PACRG: variants seen among roughly 807,000 people sequenced by gnomAD.
PACRG encodes the protein parkin coregulated.
Under a neutral mutation model 29.7 loss-of-function variants are expected in PACRG, and 29 were observed. The observed-to-expected ratio is 0.98, with a 90% CI of 0.73 to 1.33. The LOEUF is 1.33. Ranked by LOEUF, PACRG falls within the 40% of genes most tolerant of loss-of-function variation. The pLI is 0.00. For synonymous variants in PACRG, 116 were observed against 118.7 expected (o/e 0.98, Z 0.15); for missense variants, 279 against 316.2 (o/e 0.88, Z 0.89).
At chr6:162,774,794 C>G (rs1783510850) in intron 1 of PACRG, among the ~76,000 whole-genome samples, 1 of 152,074 alleles carries the variant, frequency 6.6e-6, no homozygotes, top group Admixed American at 6.5e-5. Context: ...ACTGAAGCAC[C>G]CTGCTTTGTT....
chr6:163,207,501 T>G (rs1308143536), intron 4 of PACRG, among the ~76,000 whole-genome samples: 1 of 152,214 alleles, frequency 6.6e-6, no homozygotes, highest in Admixed American at 6.5e-5. Context: ...ACATCAGACA[T>G]TTCCATGATA....
intron 2 of PACRG, among the ~76,000 whole-genome samples, chr6:162,957,024 T>G (rs1440362071): frequency 6.6e-6 from 1 of 151,964 alleles, no homozygotes; most frequent in Non-Finnish European, 1.5e-5. Flanking sequence ...CTTACCTTTT[T>G]GTCAGTAAAG....
intron 4 of PACRG, among the ~76,000 whole-genome samples, chr6:163,104,086 T>A (rs1475467601): frequency 6.6e-6 from 1 of 152,252 alleles, no homozygotes; most frequent in Non-Finnish European, 1.5e-5. Flanking sequence ...ACAACTATTA[T>A]ATGCTGGTAG....
chr6:162,803,370 G>C (rs547592156), intron 1 of PACRG, among the ~76,000 whole-genome samples: 1 of 152,282 alleles, frequency 6.6e-6, no homozygotes, highest in African/African-American at 2.4e-5. Context: ...GAGACTGACA[G>C]TCAGCTTGCA....
At chr6:162,903,653 C>T (rs1034435841) in intron 2 of PACRG, among the ~76,000 whole-genome samples, 3 of 152,180 alleles carry the variant, frequency 2.0e-5, no homozygotes, top group African/African-American at 7.2e-5. Flanking sequence ...GTCCCTCCCT[C>T]AACATGTGGA....
intron 4 of PACRG, among the ~76,000 whole-genome samples, chr6:163,177,709 G>GGTTTTTTTTTT (rs1562951194): frequency 1.8e-4 from 6 of 33,648 alleles, no homozygotes; most frequent in Admixed American, 3.8e-4. Flanking sequence ...TTAGAAAAGG[G>GGTTTTTTTTTT]ATTTTTTTTT....
chr6:162,745,285 C>T (rs1157607474), intron 1 of PACRG, among the ~76,000 whole-genome samples: 4 of 151,922 alleles, frequency 2.6e-5, no homozygotes, highest in Admixed American at 6.6e-5. Flanking sequence ...AACACAGACA[C>T]GGAAAACCAA....
At chr6:163,000,894 C>A (rs1392323402) in intron 2 of PACRG, among the ~76,000 whole-genome samples, 1 of 152,128 alleles carries the variant, frequency 6.6e-6, no homozygotes, top group African/African-American at 2.4e-5. Context: ...CAAGGCAGGC[C>A]TGAATAGTAG....
chr6:163,257,727 C>T (rs1193729525), intron 4 of PACRG, among the ~76,000 whole-genome samples: 1 of 152,110 alleles, frequency 6.6e-6, no homozygotes, highest in African/African-American at 2.4e-5. Flanking sequence ...TTATTCAAGT[C>T]TTTTATTATC....
intron 3 of PACRG, among the ~76,000 whole-genome samples, chr6:163,067,546 T>C (rs746211654): frequency 6.6e-6 from 1 of 152,224 alleles, no homozygotes; most frequent in Non-Finnish European, 1.5e-5. Flanking sequence ...AAAAACACTT[T>C]CAGTAAGGCA....
At chr6:162,887,123 C>A (rs1470359432) in intron 2 of PACRG, among the ~76,000 whole-genome samples, 19 of 152,222 alleles carry the variant, frequency 1.2e-4, no homozygotes, top group South Asian at 6.2e-4. Context: ...CTGTCTTGAC[C>A]ATGAGGCCTC....
At chr6:162,742,973 A>G (rs1780715078) in intron 1 of PACRG, among the ~76,000 whole-genome samples, 1 of 152,144 alleles carries the variant, frequency 6.6e-6, no homozygotes, top group South Asian at 2.1e-4. Context: ...CAGCTGCACC[A>G]TTTTGCATTC....
At chr6:163,096,090 T>A (rs1183656329) in intron 4 of PACRG, among the ~76,000 whole-genome samples, 1 of 152,174 alleles carries the variant, frequency 6.6e-6, no homozygotes, top group Non-Finnish European at 1.5e-5. Flanking sequence ...AGGAAGGGTT[T>A]GTTTAGTTAA....
At chr6:162,875,031 A>G (rs752087654) in intron 2 of PACRG, among the ~76,000 whole-genome samples, 4 of 152,162 alleles carry the variant, frequency 2.6e-5, no homozygotes, top group East Asian at 3.8e-4. Context: ...ACACATATGT[A>G]TATTCACACA....
chr6:162,827,538 A>G (rs964347276), intron 2 of PACRG, among the ~76,000 whole-genome samples: 3 of 152,236 alleles, frequency 2.0e-5, no homozygotes, highest in Non-Finnish European at 4.4e-5. Context: ...CGACCAAATG[A>G]ATAATCCTCT....
At chr6:162,747,363 T>TATATATAC (rs1387062456) in intron 1 of PACRG, among the ~76,000 whole-genome samples, 3 of 35,246 alleles carry the variant, frequency 8.5e-5, no homozygotes, top group Admixed American at 3.8e-4. Context: ...TATATATATA[T>TATATATAC]ACACATACAT....
chr6:162,748,637 C>T (rs1404429002), intron 1 of PACRG, among the ~76,000 whole-genome samples: 1 of 152,148 alleles, frequency 6.6e-6, no homozygotes, highest in East Asian at 1.9e-4. Flanking sequence ...GAGATTCACG[C>T]ACACAGTTAA....
chr6:162,770,720 G>C (rs946730125), intron 1 of PACRG, among the ~76,000 whole-genome samples: 2 of 151,988 alleles, frequency 1.3e-5, no homozygotes, highest in Non-Finnish European at 2.9e-5. Context: ...TAACAGACTT[G>C]ATTTTAATGA....
chr6:163,145,901 G>A (rs1451243064), intron 4 of PACRG, among the ~76,000 whole-genome samples: 1 of 152,168 alleles, frequency 6.6e-6, no homozygotes, highest in Non-Finnish European at 1.5e-5. Flanking sequence ...TGAGATGAGA[G>A]GCGGTGAGGA....
Sources: allele counts gnomAD v4.1 joint callset (sites outside exome capture counted in the v4.1 genomes callset), GRCh38; gene constraint gnomAD v4.1.1; transcripts MANE v1.5; gene names NCBI Gene and HGNC (gene_info 2026-07-23, HGNC 2026-07-21).